The following CCDC146 variants were observed in gnomAD, a reference collection of about 807,000 sequenced individuals.
The protein encoded by CCDC146 is coiled-coil domain-containing protein 146.
A neutral mutation model predicts 119.3 loss-of-function variants in CCDC146; 92 were observed. The ratio of observed to expected loss-of-function variants is 0.77; its 90% CI spans 0.65 to 0.92. The LOEUF (loss-of-function observed/expected upper bound fraction) is 0.92, where lower values mean the gene tolerates loss of function less well. Among genes scored for constraint, CCDC146 ranks in the 40% least tolerant of loss-of-function variants. The pLI is 0.00. For synonymous variants in CCDC146, 372 were observed against 371.8 expected (o/e 1.00, Z -0.01); for missense variants, 1,000 against 1,103.0 (o/e 0.91, Z 1.32).
chr7:77,212,337 GA>G (rs1792200343), intron 2 of CCDC146, among the ~76,000 whole-genome samples: 1 of 151,922 alleles, frequency 6.6e-6, no homozygotes, highest in Admixed American at 6.6e-5. Context: ...AAAACATATT[GA>G]AGGCTGGGCA....
Position 77,293,125 on chromosome 7 carries a change from G to C in CCDC146, c.2589G>C (p.Lys863Asn). The C allele has an allele frequency of 6.2e-7, 1 of 1,614,084 alleles. No individual in the cohort carries two copies. The stretch of plus-strand genomic sequence containing the variant: ...TAGAAAAAGGTCTGCCACTCAATAA[G>C]GAAATTGAGAAAGAATGGTTGAAAG... Reference protein sequence around the residue: ...SRIEKGLPLNKEIEKEWLKVL... With the variant: ...SRIEKGLPLNNEIEKEWLKVL... The change falls in exon 18 of 19, where the codon AAG becomes AAC. Residue 863 changes from lysine to asparagine, a missense_variant. Lys to Asn is a moderately conservative substitution (Grantham distance 94). Transcript: ENST00000285871.
chr7:77,172,964 A>G (rs1461750864), intron 2 of CCDC146, among the ~76,000 whole-genome samples: 1 of 151,934 alleles, frequency 6.6e-6, no homozygotes, highest in Non-Finnish European at 1.5e-5. Context: ...GGTTTCTCCA[A>G]CCTCTCAACT....
chr7:77,135,861 T>G (rs1467956749), intron 1 of CCDC146, among the ~76,000 whole-genome samples: 1 of 152,130 alleles, frequency 6.6e-6, no homozygotes, highest in Non-Finnish European at 1.5e-5. Flanking sequence ...AAAGCAGAAG[T>G]AGCTATATTA....
chr7:77,292,451 T>C (rs1793964805), intron 17 of CCDC146, among the ~76,000 whole-genome samples: 3 of 150,398 alleles, frequency 2.0e-5, no homozygotes, highest in Non-Finnish European at 4.4e-5. Flanking sequence ...CCAGCGCTAA[T>C]AAAAATACAA....
intron 2 of CCDC146, among the ~76,000 whole-genome samples, chr7:77,189,024 A>G (rs1791715841): frequency 6.6e-6 from 1 of 152,146 alleles, no homozygotes; most frequent in Non-Finnish European, 1.5e-5. Context: ...ATCTAATCCC[A>G]TGGATTCATT....
chr7:77,212,489 C>T (rs1211986451), intron 2 of CCDC146, among the ~76,000 whole-genome samples: 5 of 151,554 alleles, frequency 3.3e-5, no homozygotes, highest in East Asian at 1.9e-4. Context: ...AGTGTGGTGG[C>T]GTGCACCTGT....
At chr7:77,240,850 CT>C (rs1262850729) in intron 3 of CCDC146, among the ~76,000 whole-genome samples, 1 of 151,776 alleles carries the variant, frequency 6.6e-6, no homozygotes, top group African/African-American at 2.4e-5. Flanking sequence ...CACTAATGCT[CT>C]TTTTTTTGTT....
intron 2 of CCDC146, among the ~76,000 whole-genome samples, chr7:77,177,198 T>C (rs1411354010): frequency 1.3e-5 from 2 of 152,164 alleles, no homozygotes; most frequent in Admixed American, 6.6e-5. Flanking sequence ...AAGCTTCATT[T>C]ATTTTGTAGG....
At chr7:77,277,701 T>C (rs1176586662) in intron 11 of CCDC146, among the ~76,000 whole-genome samples, 1 of 152,234 alleles carries the variant, frequency 6.6e-6, no homozygotes, top group Non-Finnish European at 1.5e-5. Context: ...CGTTTCTTCC[T>C]GACCCCTATT....
intron 1 of CCDC146, among the ~76,000 whole-genome samples, chr7:77,156,927 T>C (rs1052125856): frequency 1.3e-5 from 2 of 149,660 alleles, no homozygotes; most frequent in Non-Finnish European, 2.9e-5. Context: ...AGAGATACAC[T>C]GACAGAATTG....
chr7:77,234,701 C>A (rs1341005088), intron 2 of CCDC146, among the ~76,000 whole-genome samples: 1 of 151,992 alleles, frequency 6.6e-6, no homozygotes, highest in Non-Finnish European at 1.5e-5. Context: ...CGCCACTGTA[C>A]TCCAGCCTGG....
At chr7:77,259,969 T>A (rs1194096885) in intron 7 of CCDC146, 40 bp from the exon 8 acceptor site, 1 of 639,496 alleles carries the variant, frequency 1.6e-6, no homozygotes, top group East Asian at 5.1e-5. Flanking sequence ...TGTGTGTGTG[T>A]GTGTGTGTGT....
intron 2 of CCDC146, among the ~76,000 whole-genome samples, chr7:77,206,672 TACACAC>T (rs1016831306): frequency 1.5e-5 from 2 of 130,746 alleles, no homozygotes; most frequent in African/African-American, 3.7e-5. Context: ...TATATATATA[TACACAC>T]ACACACACAC....
In CCDC146 at chr7:77,260,093, T is replaced by G. The variant is rs1364763614; in HGVS notation, c.843T>G (p.Ser281Arg). ...DSLKKVENKV[S>R]AIVDEKENVI... ...TAAAGAAAGTTGAAAACAAGGTTAG[T>G]GCTATAGTGGATGAGAAGGAAAATG... The change falls in exon 8 of 19, where the codon AGT becomes AGG. Residue 281 changes from serine to arginine, a missense_variant. Transcript: ENST00000285871. The G allele has an allele frequency of 1.1e-5, 18 of 1,613,122 alleles. No homozygotes were observed. Among genetic ancestry groups the G allele is most frequent in the Non-Finnish European group, 1.5e-5 (18 of 1,179,770 alleles).
At chr7:77,283,058 C>A (rs1428298772) in intron 15 of CCDC146, among the ~76,000 whole-genome samples, 1 of 152,164 alleles carries the variant, frequency 6.6e-6, no homozygotes, top group Non-Finnish European at 1.5e-5. Context: ...AGCTCAGCTT[C>A]CTCATAGCTC....
intron 2 of CCDC146, among the ~76,000 whole-genome samples, chr7:77,231,061 A>G (rs910741132): frequency 2.0e-5 from 3 of 152,218 alleles, no homozygotes; most frequent in Admixed American, 1.3e-4. Context: ...GAGTAGTGTG[A>G]TAAAATCTCT....
chr7:77,178,816 G>A (rs900502212), intron 2 of CCDC146, among the ~76,000 whole-genome samples: 1 of 152,146 alleles, frequency 6.6e-6, no homozygotes, highest in African/African-American at 2.4e-5. Flanking sequence ...AAAGCTCGTG[G>A]CTCTTAGGTG....
chr7:77,218,004 G>C (rs1354812400), intron 2 of CCDC146, among the ~76,000 whole-genome samples: 1 of 152,150 alleles, frequency 6.6e-6, no homozygotes, highest in Non-Finnish European at 1.5e-5. Context: ...ACTGTACTGT[G>C]CTATAGTTTT....
chr7:77,140,856 T>G (rs1056174859), intron 1 of CCDC146, among the ~76,000 whole-genome samples: 3 of 152,182 alleles, frequency 2.0e-5, no homozygotes, highest in African/African-American at 7.2e-5. Context: ...CGATATCACA[T>G]TGATATATTG....
Sources: gnomAD v4.1 joint callset for allele counts (sites outside exome capture counted in the v4.1 genomes callset) on GRCh38, gnomAD v4.1.1 for gene constraint, MANE v1.5 for transcripts, NCBI Gene and HGNC (gene_info 2026-07-23, HGNC 2026-07-21) for gene names.